The following SIPA1L2 variants were observed in gnomAD, a reference collection of about 807,000 sequenced individuals.
SIPA1L2 encodes the protein signal induced proliferation associated 1 like 2.
A neutral mutation model predicts 163.9 loss-of-function variants in SIPA1L2; 56 were observed. The observed-to-expected ratio is 0.34, with a 90% CI of 0.28 to 0.43. The LOEUF (loss-of-function observed/expected upper bound fraction) is 0.43. Ranked by LOEUF, SIPA1L2 falls within the 20% of genes least tolerant of loss-of-function variation. The pLI, the probability that SIPA1L2 is intolerant of heterozygous loss-of-function variation, is 1.00. For synonymous variants in SIPA1L2, 877 were observed against 865.7 expected (o/e 1.01, Z -0.23); for missense variants, 1,974 against 2,193.5 (o/e 0.90, Z 2.00).
At chr1:232,586,794 G>C (rs192250135) in intron 1 of SIPA1L2, among the ~76,000 whole-genome samples, 9 of 152,336 alleles carry the variant, frequency 5.9e-5, no homozygotes, top group Non-Finnish European at 2.9e-5. Flanking sequence ...AGTGAAACAG[G>C]AGTCTTTGTC....
intron 2 of SIPA1L2, among the ~76,000 whole-genome samples, chr1:232,528,260 A>G (rs1667816330): frequency 6.6e-6 from 1 of 151,904 alleles, no homozygotes; most frequent in East Asian, 1.9e-4. Context: ...AAGAGACAAG[A>G]AAGAGACACT....
chr1:232,594,945 C>T (rs1325931006), intron 1 of SIPA1L2, among the ~76,000 whole-genome samples: 3 of 152,176 alleles, frequency 2.0e-5, no homozygotes, highest in African/African-American at 7.2e-5. Context: ...AAACCAGAAG[C>T]TCTGCAGGGG....
intron 1 of SIPA1L2, among the ~76,000 whole-genome samples, chr1:232,585,621 A>G (rs1219885321): frequency 6.6e-6 from 1 of 152,226 alleles, no homozygotes; most frequent in Non-Finnish European, 1.5e-5. Flanking sequence ...GTGCACATGT[A>G]AAAGGGTAAA....
At position 232,465,701 on chromosome 1, in the gene SIPA1L2, A is replaced by G. The variant is rs1664477632; in HGVS notation, c.2244-285T>C. Among the ~76,000 whole-genome samples, 1 of 151,916 alleles carries G rather than the reference A, an allele frequency of 6.6e-6. No individual in the cohort carries two copies. The highest frequency in any genetic ancestry group is 2.1e-4 in the South Asian group (1 of 4,810). On this transcript the variant is annotated intron_variant, in intron 8 of 22. Transcript: ENST00000674635. The surrounding 1 kb of genome is among the most constrained non-coding windows in gnomAD (Gnocchi z 4.1). ...ATGGGCTGAATTATGTCCCTCTCAAAATCCACACGTTGACAAGATAACCCA... is the reference window on the plus strand; with the variant it reads ...ATGGGCTGAATTATGTCCCTCTCAAGATCCACACGTTGACAAGATAACCCA...
chr1:232,578,258 T>G (rs1326288577), intron 1 of SIPA1L2, among the ~76,000 whole-genome samples: 1 of 149,020 alleles, frequency 6.7e-6, no homozygotes, highest in East Asian at 1.9e-4. Context: ...TTAAATGCAC[T>G]GGAAAAAAAA....
chr1:232,409,254 G>A (rs1330669044), intron 19 of SIPA1L2, among the ~76,000 whole-genome samples: 2 of 152,098 alleles, frequency 1.3e-5, no homozygotes, highest in African/African-American at 4.8e-5. Flanking sequence ...TCTTTACTAT[G>A]AAGCTTTCTA....
chr1:232,406,180 A>G (rs1572849618), intron 19 of SIPA1L2, among the ~76,000 whole-genome samples: 1 of 152,192 alleles, frequency 6.6e-6, no homozygotes, highest in East Asian at 1.9e-4. Context: ...CTGATGATAA[A>G]TATTCAATAA....
At chr1:232,544,126 TC>T (rs1657863559) in intron 2 of SIPA1L2, among the ~76,000 whole-genome samples, 2 of 21,568 alleles carry the variant, frequency 9.3e-5, no homozygotes, top group Admixed American at 4.0e-4. Flanking sequence ...ACAGAAACCT[TC>T]TTTTTTTTTT....
chr1:232,437,536 A>G (rs1341611212), intron 15 of SIPA1L2, among the ~76,000 whole-genome samples: 2 of 151,888 alleles, frequency 1.3e-5, no homozygotes, highest in African/African-American at 2.4e-5. Flanking sequence ...CATGATTTCT[A>G]CTCTCTGGCA....
At chr1:232,438,405 AT>A (rs1035513676) in intron 15 of SIPA1L2, among the ~76,000 whole-genome samples, 9 of 152,380 alleles carry the variant, frequency 5.9e-5, no homozygotes, top group Admixed American at 4.6e-4. Context: ...AACTGAATAA[AT>A]GCATTTCTTT....
At chr1:232,403,392 C>T (rs1448628813) in intron 21 of SIPA1L2, 56 bp downstream of exon 21, 3 of 1,585,024 alleles carry the variant, frequency 1.9e-6, no homozygotes, top group Non-Finnish European at 2.6e-6. Context: ...TTAGCCGAAT[C>T]TTGGCTAATC....
chr1:232,601,058 T>C (rs1044121685), intron 1 of SIPA1L2, among the ~76,000 whole-genome samples: 5 of 152,162 alleles, frequency 3.3e-5, no homozygotes, highest in African/African-American at 4.8e-5. Context: ...ACAGCCCCGA[T>C]GGTATCCCCT....
At chr1:232,610,360 G>GA (rs1254620966) in intron 1 of SIPA1L2, among the ~76,000 whole-genome samples, 1 of 152,194 alleles carries the variant, frequency 6.6e-6, no homozygotes, top group African/African-American at 2.4e-5. Context: ...CTCACTTGGA[G>GA]AAACTGCCTC....
At chr1:232,546,226 C>A (rs972273996) in intron 2 of SIPA1L2, among the ~76,000 whole-genome samples, 1 of 152,176 alleles carries the variant, frequency 6.6e-6, no homozygotes, top group Admixed American at 6.5e-5. Context: ...TACTTTTGCA[C>A]GTAAAGACGT....
intron 1 of SIPA1L2, among the ~76,000 whole-genome samples, chr1:232,628,263 T>C (rs565035115): frequency 3.7e-4 from 57 of 152,232 alleles, no homozygotes; most frequent in African/African-American, 1.3e-3. Context: ...CCTAACACAA[T>C]CCCTGGTATG....
chr1:232,502,832 T>C (rs1026388234), intron 3 of SIPA1L2, among the ~76,000 whole-genome samples: 4 of 152,240 alleles, frequency 2.6e-5, no homozygotes, highest in Admixed American at 6.5e-5. Context: ...TATTCAATAA[T>C]GTAAGACGCT....
intron 3 of SIPA1L2, among the ~76,000 whole-genome samples, chr1:232,495,930 A>G (rs1666164596): frequency 6.6e-6 from 1 of 152,256 alleles, no homozygotes; most frequent in Non-Finnish European, 1.5e-5. Flanking sequence ...CATTAAGCTA[A>G]ATGTTATTAC....
chr1:232,550,320 A>G (rs983423857), intron 2 of SIPA1L2, among the ~76,000 whole-genome samples: 20 of 152,308 alleles, frequency 1.3e-4, no homozygotes, highest in Admixed American at 8.5e-4. Flanking sequence ...TTTAAATATG[A>G]ACGTTCTTAT....
At chr1:232,516,018 A>G (rs1667204556) in intron 2 of SIPA1L2, among the ~76,000 whole-genome samples, 1 of 152,252 alleles carries the variant, frequency 6.6e-6, no homozygotes, top group Non-Finnish European at 1.5e-5. Context: ...CTATTAAGGT[A>G]GCCTGGCTTA....
Sources: gnomAD v4.1 joint callset for allele counts (sites outside exome capture counted in the v4.1 genomes callset) on GRCh38, gnomAD v4.1.1 for gene constraint, Gnocchi (gnomAD v3.1) non-coding constraint, MANE v1.5 for transcripts, NCBI Gene and HGNC (gene_info 2026-07-23, HGNC 2026-07-21) for gene names.